The following PIAS3 variants were observed in gnomAD, a reference collection of about 807,000 sequenced individuals.
PIAS3 encodes protein inhibitor of activated STAT 3.
In PIAS3, 34 loss-of-function variants were observed where a neutral mutation model predicts 67.6. That is an observed-to-expected ratio of 0.50 (90% CI 0.38 to 0.67). The LOEUF (loss-of-function observed/expected upper bound fraction) is 0.67, where lower values mean the gene tolerates loss of function less well. Among genes scored for constraint, PIAS3 ranks in the 30% least tolerant of loss-of-function variants. The pLI is 0.00. For missense variants in PIAS3, 693 were observed against 791.6 expected, an observed-to-expected ratio of 0.88 and a Z score of 1.49; for synonymous variants, 341 against 313.8, an observed-to-expected ratio of 1.09 and a Z score of -0.92.
chr1:145,852,892 G>T (rs1653018476), intron 9 of PIAS3, among the ~76,000 whole-genome samples: 1 of 152,078 alleles, frequency 6.6e-6, no homozygotes, highest in Admixed American at 6.6e-5. Flanking sequence ...AGTCCATAGG[G>T]TTATTGTGAG....
At position 145,853,651 on chromosome 1, in the gene PIAS3, C is replaced by T. The variant is rs781826222; in HGVS notation, c.998G>A (p.Arg333His). 4 of 1,613,678 alleles carry T rather than the reference C, an allele frequency of 2.5e-6. No individual in the cohort carries two copies. The highest frequency in any genetic ancestry group is 3.4e-6 in the Non-Finnish European group (4 of 1,179,904). Residue 333 changes from arginine (R) to histidine (H), a missense_variant, in exon 9 of 14, where the codon CGC becomes CAC. This residue lies in a region of PIAS3 where 115 missense variants were observed against 181.8 expected (regional missense o/e 0.63). Coordinates refer to ENST00000393045, the MANE Select transcript of PIAS3 (RefSeq NM_006099.3). ...GAGGGCACGACAAGGGACAGTCAGGCGCATCTTCCCTAGCTGAGGAGAAGC... is the reference window on the plus strand; with the variant it reads ...GAGGGCACGACAAGGGACAGTCAGGTGCATCTTCCCTAGCTGAGGAGAAGC... Reference protein sequence around the residue: ...VSLMCPLGKMRLTVPCRALTC... With the variant: ...VSLMCPLGKMHLTVPCRALTC...
At chr1:145,857,175 A>G (rs1653226166) in intron 1 of PIAS3, 169 bp from the exon 2 acceptor site, 4 of 633,026 alleles carry the variant, frequency 6.3e-6, no homozygotes, top group Non-Finnish European at 1.1e-5. Flanking sequence ...ATCCAAAGGG[A>G]CATCTCAGTC....
At chr1:145,856,310 G>C (rs990219105) in intron 3 of PIAS3, 37 bp downstream of exon 3, 1 of 1,540,496 alleles carries the variant, frequency 6.5e-7, no homozygotes, top group Non-Finnish European at 9.0e-7. Flanking sequence ...AGAAAGCAGA[G>C]ACCAGGGATG....
chr1:145,856,647 G>A lies in PIAS3; in HGVS notation c.384C>T (p.Thr128=). 3 of 1,586,710 alleles carry A rather than the reference G, an allele frequency of 1.9e-6. No individual in the cohort carries two copies. Among genetic ancestry groups the A allele is most frequent in the Non-Finnish European group, 2.6e-6 (3 of 1,165,294 alleles). Residue 128 remains threonine (T), a synonymous_variant, in exon 2 of 14, where the codon ACC becomes ACT. Transcript: ENST00000393045. The part of the protein sequence containing the change: ...PLPQPVHPDV[T]MKPLPFYEVY... ...CTTCATAGAAGGGCAATGGTTTCAT[G>A]GTGACATCAGGGTGCACAGGCTGGG... is the stretch of plus-strand genomic sequence containing the variant.
At chr1:145,857,889 G>A (rs1251260024) in intron 1 of PIAS3, among the ~76,000 whole-genome samples, 1 of 152,194 alleles carries the variant, frequency 6.6e-6, no homozygotes, top group Non-Finnish European at 1.5e-5. Flanking sequence ...TCTAAACAGA[G>A]ACCCTGGGTG....
chr1:145,851,337 AAAG>A, intron 9 of PIAS3, 184 bp from the exon 10 acceptor site: 1 of 656,888 alleles, frequency 1.5e-6, no homozygotes, highest in Non-Finnish European at 2.7e-6. Flanking sequence ...AGAGCTTTGC[AAAG>A]TAAGTAATAG....
Position 145,850,437 on chromosome 1 carries a change from A to C in PIAS3, c.1582+16T>G. ...GGTGTGGCAGTGCAGGGTCCATCTT[A>C]TGACCCATGTCATACCTTGGATGTC... On this transcript the variant is annotated intron_variant, in intron 12 of 13. Transcript: ENST00000393045. 6.2e-7 allele frequency: 1 copy of C among 1,614,038 alleles called. No homozygotes were observed. The highest frequency in any genetic ancestry group is 1.3e-5 in the African/African-American group (1 of 75,046).
At chr1:145,853,701 T>C (rs1559163776) in intron 8 of PIAS3, 37 bp from the exon 9 acceptor site, 4 of 1,611,694 alleles carry the variant, frequency 2.5e-6, no homozygotes, top group Non-Finnish European at 2.5e-6. Context: ...GAGGCCCTAC[T>C]CTGATTTCAT....
intron 3 of PIAS3, 83 bp from the exon 4 acceptor site, chr1:145,856,201 G>C (rs1447951509): frequency 7.5e-7 from 1 of 1,334,462 alleles, no homozygotes; most frequent in Non-Finnish European, 1.1e-6. Flanking sequence ...CTGAAAGTCA[G>C]ATGTCCAGGA....
intron 4 of PIAS3, 98 bp downstream of exon 4, chr1:145,855,970 G>A: frequency 9.0e-7 from 1 of 1,111,864 alleles, no homozygotes; most frequent in African/African-American, 1.5e-5. Context: ...GCAGTAGGCA[G>A]TGGCAGAGCA....
In PIAS3 at chr1:145,853,802, C is replaced by T. The variant is rs1653056218; in HGVS notation, c.984+11G>A. The stretch of plus-strand genomic sequence containing the variant: ...CCTTCCCACCCTGTTCCCTTCTCCC[C>T]TTTTACCCACCGGGCACATGAGTGA... On this transcript the variant is annotated intron_variant, in intron 8 of 13. Coordinates refer to ENST00000393045, the MANE Select transcript of PIAS3 (RefSeq NM_006099.3). 6.2e-7 allele frequency: 1 copy of T among 1,613,738 alleles called. No homozygotes were observed. The highest frequency in any genetic ancestry group is 8.5e-7 in the Non-Finnish European group (1 of 1,179,656).
chr1:145,857,576 C>T (rs1553735890), intron 1 of PIAS3, among the ~76,000 whole-genome samples: 4 of 152,210 alleles, frequency 2.6e-5, no homozygotes, highest in Non-Finnish European at 5.9e-5. Flanking sequence ...CCCCAAGCCT[C>T]TGAAGCTTCT....
chr1:145,856,369 C>A lies in PIAS3; in HGVS notation c.505G>T (p.Val169Leu), dbSNP rs1553735619. 1 of 1,613,980 alleles carries A rather than the reference C, an allele frequency of 6.2e-7. No individual in the cohort carries two copies. The highest frequency in any genetic ancestry group is 8.5e-7 in the Non-Finnish European group (1 of 1,179,866). Residue 169 changes from valine (V) to leucine (L), a missense_variant, in exon 3 of 14, where the codon GTG becomes TTG. By Grantham distance (32) the Val-to-Leu change is conservative. Around this residue, in one of 3 missense-constraint regions of PIAS3, gnomAD observed 308 missense variants for 348.8 expected, o/e 0.88. Coordinates refer to ENST00000393045, the MANE Select transcript of PIAS3 (RefSeq NM_006099.3). ...TACCTGGATGTAAGAATCTGCTGCA[C>A]TTGCTGGGGTGTGAGGGCAAAGGTA... ...HFTFALTPQQ[V>L]QQILTSREVL...
At chr1:145,851,237 T>C in intron 9 of PIAS3, 84 bp from the exon 10 acceptor site, 1 of 1,380,706 alleles carries the variant, frequency 7.2e-7, no homozygotes. Context: ...CCTTCCTGTA[T>C]CTCAGTTTCC....
intron 13 of PIAS3, 145 bp downstream of exon 13, chr1:145,850,087 G>A: frequency 6.7e-7 from 1 of 1,499,906 alleles, no homozygotes; most frequent in Non-Finnish European, 8.8e-7. Flanking sequence ...GTGGGGCTGA[G>A]GAGATAATAA....
In PIAS3 at chr1:145,849,559, G is replaced by C; in HGVS notation, c.1774C>G (p.Arg592Gly). The C allele has an allele frequency of 6.2e-7, 1 of 1,606,296 alleles. No homozygotes were observed. The highest frequency in any genetic ancestry group is 1.1e-5 in the South Asian group (1 of 89,952). ...CCAGGGGCCACAATGCTGCTGACACGGCCAGGAGGGGGCGCCGGAGTGGCG... is the reference window on the plus strand; with the variant it reads ...CCAGGGGCCACAATGCTGCTGACACCGCCAGGAGGGGGCGCCGGAGTGGCG... ...CSATPAPPPGRVSSIVAPGGA... is the reference protein window; with the variant it reads ...CSATPAPPPGGVSSIVAPGGA... The change falls in exon 14 of 14, where the codon CGT becomes GGT. Residue 592 changes from arginine to glycine, a missense_variant. Physicochemically the swap from Arg to Gly is moderately radical, Grantham distance 125. Coordinates refer to ENST00000393045, the MANE Select transcript of PIAS3 (RefSeq NM_006099.3).
Position 145,853,619 on chromosome 1 carries a change from C to G in PIAS3, c.1030G>C (p.Ala344Pro). Residue 344 changes from alanine to proline, a missense_variant, in exon 9 of 14, where the codon GCC (alanine) becomes CCC (proline). Ala to Pro is a conservative substitution (Grantham distance 27, BLOSUM62 -1). Around this residue, in one of 3 missense-constraint regions of PIAS3, gnomAD observed 115 missense variants for 181.8 expected, o/e 0.63. Coordinates refer to ENST00000393045, the MANE Select transcript of PIAS3 (RefSeq NM_006099.3). ...LTVPCRALTC[A>P]HLQSFDAALY... Reference sequence around the variant, plus strand: ...GCAGCATCGAAGCTCTGCAGGTGGGCGCAGGTGAGGGCACGACAAGGGACA... The same window carrying G: ...GCAGCATCGAAGCTCTGCAGGTGGGGGCAGGTGAGGGCACGACAAGGGACA... The G allele has an allele frequency of 6.2e-7, 1 of 1,613,962 alleles. No homozygotes were observed. Among genetic ancestry groups the G allele is most frequent in the Non-Finnish European group, 8.5e-7 (1 of 1,179,974 alleles).
At chr1:145,849,863 C>G in intron 13 of PIAS3, 151 bp from the exon 14 acceptor site, 2 of 1,474,116 alleles carry the variant, frequency 1.4e-6, no homozygotes. Flanking sequence ...CCTCTTTCCC[C>G]TACTTCCCTA....
intron 9 of PIAS3, among the ~76,000 whole-genome samples, chr1:145,852,058 G>T (rs781975624): frequency 6.6e-6 from 1 of 152,074 alleles, no homozygotes; most frequent in African/African-American, 2.4e-5. Flanking sequence ...AAAGGCACTG[G>T]GTCTTTGGCT....
Sources: allele counts gnomAD v4.1 joint callset (sites outside exome capture counted in the v4.1 genomes callset), GRCh38; gene constraint gnomAD v4.1.1; regional missense constraint gnomAD v4.1.1; transcripts MANE v1.5; gene names NCBI Gene and HGNC (gene_info 2026-07-23, HGNC 2026-07-21).